Variants in RUVBL1 observed in about 807,000 individuals in gnomAD.
RUVBL1 encodes the protein RuvB like AAA ATPase 1, also known as ruvB-like 1.
In RUVBL1, 4 loss-of-function variants were observed where a neutral mutation model predicts 52.4. That is an observed-to-expected ratio of 0.08 (90% CI 0.04 to 0.17). RUVBL1 has a LOEUF of 0.17. Among genes scored for constraint, RUVBL1 ranks in the 10% least tolerant of loss-of-function variants. The pLI is 1.00. For synonymous variants in RUVBL1, 217 were observed against 214.4 expected, an observed-to-expected ratio of 1.01 and a Z score of -0.10; for missense variants, 298 against 572.8, an observed-to-expected ratio of 0.52 and a Z score of 4.90.
chr3:128,113,217 A>T (rs1469715406), intron 2 of RUVBL1, among the ~76,000 whole-genome samples, 197 bp from the exon 3 acceptor site: 1 of 152,208 alleles, frequency 6.6e-6, no homozygotes, highest in Non-Finnish European at 1.5e-5. Context: ...TATCTTCCCT[A>T]TAATTACAAG....
At chr3:128,105,371 C>A (rs1372865154) in intron 3 of RUVBL1, among the ~76,000 whole-genome samples, 1 of 151,856 alleles carries the variant, frequency 6.6e-6, no homozygotes, top group Non-Finnish European at 1.5e-5. Context: ...CTACCCTCCT[C>A]GGCCTCCCAA....
In RUVBL1 at chr3:128,104,823, T is replaced by G; in HGVS notation, c.463A>C (p.Ser155Arg). The change falls in exon 4 of 11, where the codon AGC (serine) becomes CGC (arginine). Residue 155 changes from serine (S) to arginine (R), a missense_variant. Coordinates refer to ENST00000322623, the MANE Select transcript of RUVBL1 (RefSeq NM_003707.3). ...NPMGGYGKTISHVIIGLKTAK... is the reference protein window; with the variant it reads ...NPMGGYGKTIRHVIIGLKTAK... ...GTTTTGAGTCCTATGATCACATGGC[T>G]AATGGTTTTGCCATATCCTCCCATG... 6.2e-7 allele frequency: 1 copy of G among 1,613,566 alleles called. No homozygotes were observed. Among genetic ancestry groups the G allele is most frequent in the Non-Finnish European group, 8.5e-7 (1 of 1,179,478 alleles).
intron 1 of RUVBL1, among the ~76,000 whole-genome samples, chr3:128,140,525 T>A (rs564566455): frequency 6.6e-6 from 1 of 152,274 alleles, no homozygotes; most frequent in African/African-American, 2.4e-5. Flanking sequence ...TGACACCTTA[T>A]AGGTGGTACA....
intron 1 of RUVBL1, among the ~76,000 whole-genome samples, chr3:128,147,621 A>T (rs1032673688): frequency 1.3e-5 from 2 of 152,188 alleles, no homozygotes; most frequent in African/African-American, 2.4e-5. Context: ...ACAACTGATG[A>T]TGCTGAGCAA....
Position 128,123,787 on chromosome 3 carries a change from G to T in RUVBL1, c.-63C>A, listed in dbSNP as rs1025648266. On this transcript the variant is annotated 5_prime_UTR_variant, in exon 1 of 11. Transcript: ENST00000322623. ...CAGCAGCTAGGACAGTGCGCCCGGC[G>T]CCTGAGTTACCATGCGGCCGTTACT... is the stretch of plus-strand genomic sequence containing the variant. 5.9e-6 allele frequency: 9 copies of T among 1,514,414 alleles called. No homozygotes were observed. The East Asian group carries it at 1.7e-4, about 28-fold the overall frequency. 93.8% of individuals were successfully genotyped at this position (1,514,414 alleles called of 1,614,324 possible).
exon 1 of RUVBL1, chr3:128,153,424 G>A: frequency 4.2e-6 from 6 of 1,419,804 alleles, no homozygotes; most frequent in Non-Finnish European, 5.5e-6. Flanking sequence ...GGTTACGGGG[G>A]GGCAACTTAA....
At chr3:128,123,927 C>G, upstream of RUVBL1, 1 of 1,236,746 alleles carries the variant, frequency 8.1e-7, no homozygotes. Flanking sequence ...GAGCTCCGGT[C>G]ACCCACTTCC....
At chr3:128,146,354 T>TTA (rs993309380) in intron 1 of RUVBL1, among the ~76,000 whole-genome samples, 9 of 150,040 alleles carry the variant, frequency 6.0e-5, no homozygotes, top group African/African-American at 2.0e-4. Flanking sequence ...GTCTCTGTGC[T>TTA]TATGCATGGC....
Position 128,069,527 on chromosome 3 carries a change from G to T in RUVBL1, c.940-4307C>A, listed in dbSNP as rs750919679. ...GTGGGCTGTGCATCGGGGCCCTCTC[G>T]GTCCTGGCTGACTTCCTAGGCGCCA... On this transcript the variant is annotated intron_variant, in intron 9 of 9. Coordinates refer to the RUVBL1 transcript ENST00000464873. 34 of 1,613,770 alleles carry T rather than the reference G, an allele frequency of 2.1e-5. No homozygotes were observed. The highest frequency in any genetic ancestry group is 2.7e-5 in the Non-Finnish European group (32 of 1,180,050).
intron 1 of RUVBL1, among the ~76,000 whole-genome samples, chr3:128,144,997 G>C (rs779816369): frequency 2.0e-5 from 3 of 152,122 alleles, no homozygotes; most frequent in Non-Finnish European, 4.4e-5. Context: ...TCATTGTGAG[G>C]GGGGAGCCTG....
At chr3:128,119,721 T>C (rs1413631458) in intron 1 of RUVBL1, among the ~76,000 whole-genome samples, 1 of 152,206 alleles carries the variant, frequency 6.6e-6, no homozygotes, top group Non-Finnish European at 1.5e-5. Context: ...CTGGAGTGTC[T>C]TTCTGATGAC....
intron 8 of RUVBL1, among the ~76,000 whole-genome samples, chr3:128,090,500 C>CA (rs1260822468): frequency 6.6e-6 from 1 of 152,176 alleles, no homozygotes; most frequent in African/African-American, 2.4e-5. Flanking sequence ...GCCTGGGTGA[C>CA]AGAGTGAGAC....
intron 8 of RUVBL1, among the ~76,000 whole-genome samples, chr3:128,091,218 TGCTGAGTGGGCTG>T (rs539595928): frequency 6.7e-6 from 1 of 149,618 alleles, no homozygotes; most frequent in South Asian, 2.1e-4. Flanking sequence ...TCAGTGATGC[TGCTGAGTGGGCTG>T]GCTGAGTGGA....
chr3:128,076,882 G>A (rs1322726565), downstream of RUVBL1, among the ~76,000 whole-genome samples: 2 of 152,138 alleles, frequency 1.3e-5, no homozygotes, highest in African/African-American at 2.4e-5. This position sits in a 1 kb window ranked among gnomAD's most constrained non-coding sequence, Gnocchi z 6.8. Context: ...TGCGGGGTCC[G>A]CATGCCCGCG....
At chr3:128,153,779 T>G (rs1208622694) in exon 1 of RUVBL1, 2 of 1,532,092 alleles carry the variant, frequency 1.3e-6, no homozygotes, top group Non-Finnish European at 1.7e-6. Context: ...GTCACGCTGG[T>G]CGACTGCCCC....
intron 9 of RUVBL1, chr3:128,071,610 C>CA (rs1942169498): frequency 6.5e-6 from 1 of 152,696 alleles, no homozygotes; most frequent in African/African-American, 2.4e-5. Flanking sequence ...AGGGGACTGT[C>CA]ACTGTGGACG....
chr3:128,106,625 G>A (rs1349132448), intron 3 of RUVBL1, among the ~76,000 whole-genome samples: 2 of 152,202 alleles, frequency 1.3e-5, no homozygotes, highest in African/African-American at 4.8e-5. Context: ...CACATAGGCA[G>A]GTAGAGTGAA....
chr3:128,144,474 C>A (rs373513533), intron 1 of RUVBL1, among the ~76,000 whole-genome samples: 1 of 152,172 alleles, frequency 6.6e-6, no homozygotes, highest in Non-Finnish European at 1.5e-5. Context: ...GGCTGTTTCC[C>A]GTCACTAATT....
chr3:128,151,492 G>A (rs772464473), intron 1 of RUVBL1, among the ~76,000 whole-genome samples: 3 of 151,720 alleles, frequency 2.0e-5, no homozygotes, highest in Admixed American at 1.3e-4. Flanking sequence ...GGTACATAAA[G>A]CCTCTAAAGC....
Sources: allele counts gnomAD v4.1 joint callset (sites outside exome capture counted in the v4.1 genomes callset), GRCh38; gene constraint gnomAD v4.1.1; non-coding constraint Gnocchi (gnomAD v3.1); transcripts MANE v1.5; gene names NCBI Gene and HGNC (gene_info 2026-07-23, HGNC 2026-07-21).